Variants in EP400 observed in about 807,000 individuals in gnomAD.
EP400 encodes the protein E1A-binding protein p400.
In EP400, 105 loss-of-function variants were observed where a neutral mutation model predicts 354.1. The observed-to-expected ratio is 0.30, with a 90% CI of 0.25 to 0.35. The LOEUF (loss-of-function observed/expected upper bound fraction) is 0.35, where lower values mean the gene tolerates loss of function less well. Among genes scored for constraint, EP400 ranks in the 10% least tolerant of loss-of-function variants. EP400 has a pLI of 1.00. For synonymous variants in EP400, 1,646 were observed against 1,716.9 expected (o/e 0.96, Z 1.02); for missense variants, 3,280 against 4,121.0 (o/e 0.80, Z 5.59).
At position 132,062,451 on chromosome 12, in the gene EP400, C is replaced by G. The variant is rs756827220; in HGVS notation, c.8099-15C>G. On this transcript the variant is annotated splice_polypyrimidine_tract_variant and intron_variant, in intron 46 of 52. Transcript: ENST00000389561. ...AGTATCCCTGTCCAGACCTAATGAG[C>G]AAACCTCTTCATAGCCACAGGAGTT... 1 of 1,612,818 alleles carries G rather than the reference C, an allele frequency of 6.2e-7. No homozygotes were observed. Among genetic ancestry groups the G allele is most frequent in the South Asian group, 1.1e-5 (1 of 91,090 alleles).
At chr12:132,012,713 G>A (rs1482448479) in intron 16 of EP400, among the ~76,000 whole-genome samples, 1 of 152,100 alleles carries the variant, frequency 6.6e-6, no homozygotes, top group Non-Finnish European at 1.5e-5. Context: ...AGAAGAGCTC[G>A]CCCTGCTTCA....
intron 12 of EP400, among the ~76,000 whole-genome samples, chr12:131,995,221 G>C (rs1893165163): frequency 1.3e-5 from 2 of 152,166 alleles, no homozygotes; most frequent in African/African-American, 4.8e-5. Flanking sequence ...GAGTGTGTGA[G>C]AACTTCATAT....
chr12:131,997,524 G>A (rs1346231618), intron 12 of EP400, among the ~76,000 whole-genome samples: 1 of 152,040 alleles, frequency 6.6e-6, no homozygotes, highest in African/African-American at 2.4e-5. Context: ...ACAAAGTGCT[G>A]GGTTTACAGG....
chr12:132,015,626 G>C (rs1593348126), intron 19 of EP400, among the ~76,000 whole-genome samples: 1 of 152,168 alleles, frequency 6.6e-6, no homozygotes, highest in East Asian at 1.9e-4. Flanking sequence ...GGGACCTGTT[G>C]GGGGAAAGCA....
chr12:132,063,526 G>A (rs1001402393), intron 47 of EP400, among the ~76,000 whole-genome samples: 2 of 152,068 alleles, frequency 1.3e-5, no homozygotes, highest in African/African-American at 4.8e-5. Context: ...GAAATGTTAT[G>A]TCCTACCATA....
chr12:132,031,962 A>C lies in EP400; in HGVS notation c.5764A>C (p.Arg1922=). ...TTTTGTTTCATCTTAGGAACTGATG[A>C]GGAGTTTCAACAGAGACAGGCGGAT... is the stretch of plus-strand genomic sequence containing the variant. ...ASSEQRQELM[R]SFNRDRRIFC... Residue 1922 remains arginine (R), a synonymous_variant, in exon 30 of 53, where the codon AGG becomes CGG. Coordinates refer to ENST00000389561, the MANE Select transcript of EP400 (RefSeq NM_015409.5). 6.2e-7 allele frequency: 1 copy of C among 1,609,840 alleles called. No homozygotes were observed.
In EP400 at chr12:132,017,405, A is replaced by G; in HGVS notation, c.3924-130A>G. 1.1e-6 allele frequency: 1 copy of G among 918,668 alleles called. No homozygotes were observed. Among genetic ancestry groups the G allele is most frequent in the Non-Finnish European group, 1.7e-6 (1 of 603,818 alleles). The allele number at this position is 918,668 out of a possible 1,614,324, so 56.9% of individuals were successfully genotyped here. A position where few individuals can be genotyped will look rare whatever the true frequency, so the allele number is the denominator to read the frequency against. Reference sequence around the variant, plus strand: ...TGGACTTGAATGGCCACTCTGTCTAACTCATTAAGCGGACCTAGAAAATCT... The same window carrying G: ...TGGACTTGAATGGCCACTCTGTCTAGCTCATTAAGCGGACCTAGAAAATCT... On this transcript the variant is annotated intron_variant, in intron 19 of 52. Transcript: ENST00000389561. The surrounding 1 kb of genome is among the most constrained non-coding windows in gnomAD (Gnocchi z 5.0).
rs368157702 is a variant in EP400 at position 132,050,288 on chromosome 12, C to G, written c.7201-35C>G. The G allele has an allele frequency of 4.3e-6, 7 of 1,612,670 alleles. No homozygotes were observed. The African/African-American group carries it at 8.0e-5, about 18-fold the overall frequency. Reference sequence around the variant, plus strand: ...CCACGCAGCCGTCTGTCCATGCTGCCTAATTCAGATGCACTCTCGTCAATT... The same window carrying G: ...CCACGCAGCCGTCTGTCCATGCTGCGTAATTCAGATGCACTCTCGTCAATT... On this transcript the variant is annotated intron_variant, in intron 39 of 52. Transcript: ENST00000389561. This position sits in a 1 kb window ranked among gnomAD's most constrained non-coding sequence, Gnocchi z 4.8.
chr12:132,053,417 A>G lies in EP400; in HGVS notation c.7548A>G (p.Pro2516=). 5.0e-6 allele frequency: 4 copies of G among 792,262 alleles called. No homozygotes were observed. Among genetic ancestry groups the G allele is most frequent in the Non-Finnish European group, 6.2e-6 (4 of 642,726 alleles). The allele number at this position is 792,262 out of a possible 1,614,324, so 49.1% of individuals were successfully genotyped here. ...QPPPPQPQPP[P]PPQQPPPPLP... is the part of the protein sequence containing the mutation. ...CCCCGCCCCAGCCGCAGCCCCCACC[A>G]CCCCCGCAGCAGCCACCGCCACCGC... Residue 2516 remains proline, a synonymous_variant, in exon 43 of 53, where the codon CCA becomes CCG. Coordinates refer to ENST00000389561, the MANE Select transcript of EP400 (RefSeq NM_015409.5).
In EP400 at chr12:132,053,025, G is replaced by A. The variant is rs113078508; in HGVS notation, c.7395-121G>A. ...GGGCACATTGGGCACCTTGCTTTAC[G>A]CCCTCATCTCTTGGGCTGGAGCTGC... On this transcript the variant is annotated intron_variant, in intron 41 of 52. Coordinates refer to ENST00000389561, the MANE Select transcript of EP400 (RefSeq NM_015409.5). The A allele has an allele frequency of 3.7e-3, 3,776 of 1,019,368 alleles. 78 individuals carry two copies. In the African/African-American group the frequency reaches 0.051, roughly 14 times the overall value. The allele number at this position is 1,019,368 out of a possible 1,614,324, so 63.1% of individuals were successfully genotyped here. A position where few individuals can be genotyped will look rare whatever the true frequency, so the allele number is the denominator to read the frequency against.
At chr12:131,984,615 A>T (rs888611342) in intron 5 of EP400, among the ~76,000 whole-genome samples, 1 of 152,190 alleles carries the variant, frequency 6.6e-6, no homozygotes, top group African/African-American at 2.4e-5. Context: ...TACTGACTTA[A>T]AGCAGCTCCG....
At chr12:132,024,715 C>T (rs1292710134) in intron 24 of EP400, among the ~76,000 whole-genome samples, 3 of 150,314 alleles carry the variant, frequency 2.0e-5, no homozygotes, top group Non-Finnish European at 4.4e-5. Flanking sequence ...GCAGCCTCAG[C>T]GGCTACCTTC....
intron 41 of EP400, among the ~76,000 whole-genome samples, chr12:132,051,445 C>T (rs949068342): frequency 1.3e-5 from 2 of 152,164 alleles, no homozygotes; most frequent in Admixed American, 1.3e-4. Flanking sequence ...TTATTGGATA[C>T]AAGACTCAGG....
At chr12:131,984,225 G>T (rs960627358) in intron 5 of EP400, among the ~76,000 whole-genome samples, 5 of 152,092 alleles carry the variant, frequency 3.3e-5, no homozygotes, top group Non-Finnish European at 5.9e-5. Flanking sequence ...TGAGATTTAT[G>T]GCAAAGTCTT....
chr12:131,980,251 C>G (rs905155802), intron 3 of EP400, among the ~76,000 whole-genome samples: 3 of 152,232 alleles, frequency 2.0e-5, no homozygotes, highest in Non-Finnish European at 4.4e-5. Context: ...CCCATATTCT[C>G]TCTCACAGAC....
At chr12:131,981,213 T>G (rs1311427548) in intron 3 of EP400, among the ~76,000 whole-genome samples, 3 of 152,188 alleles carry the variant, frequency 2.0e-5, no homozygotes, top group Non-Finnish European at 4.4e-5. Flanking sequence ...GCTTTCTGAG[T>G]GCTAAGCAAG....
At chr12:131,978,209 G>A (rs189417516) in intron 2 of EP400, among the ~76,000 whole-genome samples, 1 of 152,144 alleles carries the variant, frequency 6.6e-6, no homozygotes, top group Non-Finnish European at 1.5e-5. Flanking sequence ...AGAATTGAGA[G>A]GAAGGAACAA....
chr12:131,951,056 C>CCAT, intron 1 of EP400, among the ~76,000 whole-genome samples: 1 of 149,980 alleles, frequency 6.7e-6, no homozygotes, highest in Non-Finnish European at 1.5e-5. Flanking sequence ...CCTGCCACCA[C>CCAT]GCCTGGCTAT....
intron 50 of EP400, chr12:132,068,538 A>G (rs1241509352): frequency 6.6e-6 from 1 of 152,292 alleles, no homozygotes; most frequent in Admixed American, 6.5e-5. Context: ...GCTGGTGTGC[A>G]GCAATGGCAT....
Sources: allele counts gnomAD v4.1 joint callset (sites outside exome capture counted in the v4.1 genomes callset), GRCh38; gene constraint gnomAD v4.1.1; non-coding constraint Gnocchi (gnomAD v3.1); transcripts MANE v1.5; gene names NCBI Gene and HGNC (gene_info 2026-07-23, HGNC 2026-07-21).